Variants in ESF1 observed in about 807,000 individuals in gnomAD.
ESF1 encodes ESF1 homolog.
ESF1 carries 58 observed loss-of-function variants against 92.0 expected under a neutral mutation model. The observed-to-expected ratio is 0.63, with a 90% confidence interval of 0.51 to 0.78. ESF1 has a LOEUF of 0.78. Ranked by LOEUF, ESF1 falls within the 30% of genes least tolerant of loss-of-function variation. ESF1 has a pLI of 0.00. For synonymous variants in ESF1, 321 were observed against 313.7 expected (o/e 1.02, Z -0.24); for missense variants, 922 against 989.1 (o/e 0.93, Z 0.91).
chr20:13,749,232 ATTTTTTTTTTTTTT>A (rs71188184), intron 9 of ESF1, among the ~76,000 whole-genome samples: 3 of 89,664 alleles, frequency 3.3e-5, no homozygotes, highest in Admixed American at 3.1e-4. Context: ...TGCCCGGCTA[ATTTTTTTTTTTTTT>A]TTTTTTTTTT....
At chr20:13,742,136 A>C (rs2050017128) in intron 9 of ESF1, among the ~76,000 whole-genome samples, 1 of 152,098 alleles carries the variant, frequency 6.6e-6, no homozygotes, top group African/African-American at 2.4e-5. Flanking sequence ...GGAGGCCAAT[A>C]CGGGTGGATT....
intron 9 of ESF1, among the ~76,000 whole-genome samples, chr20:13,735,023 C>T (rs980034233): frequency 3.3e-5 from 5 of 151,918 alleles, no homozygotes; most frequent in Admixed American, 3.3e-4. Context: ...AATATATGGC[C>T]CAAGAATAAA....
chr20:13,765,197 T>C (rs971382007), intron 8 of ESF1, among the ~76,000 whole-genome samples: 6 of 152,182 alleles, frequency 3.9e-5, no homozygotes, highest in African/African-American at 1.4e-4. Context: ...CACTCCAGCC[T>C]GGGTGACAGA....
At chr20:13,717,217 A>G (rs1275511296) in intron 13 of ESF1, 151 bp downstream of exon 13, 1 of 929,974 alleles carries the variant, frequency 1.1e-6, no homozygotes, top group East Asian at 2.5e-5. Context: ...CTCGGCCTCC[A>G]AAAAAGTGTT....
rs182272738 is a variant in ESF1 at position 13,754,321 on chromosome 20, C to G, written c.1828+5371G>C. Among the ~76,000 whole-genome samples, 233 of 152,296 alleles carry G rather than the reference C, an allele frequency of 1.5e-3. 4 individuals carry two copies. The highest frequency in any genetic ancestry group is 5.3e-3 in the African/African-American group (219 of 41,566). On this transcript the variant is annotated intron_variant, in intron 9 of 13. Coordinates refer to ENST00000617257, the MANE Select transcript of ESF1 (RefSeq NM_001276380.2). ...GAATTTCCTCCTGCTTCTCTGATAG[C>G]CTCTCCAGCTGCTCGGAATGGTCCA...
intron 9 of ESF1, among the ~76,000 whole-genome samples, chr20:13,748,548 GTA>G (rs1232051296): frequency 2.6e-4 from 13 of 49,536 alleles, no homozygotes; most frequent in African/African-American, 1.0e-3. Context: ...ATATGTGTGT[GTA>G]TATATATATA....
chr20:13,778,718 C>T (rs2147449523), intron 2 of ESF1, among the ~76,000 whole-genome samples: 2 of 152,162 alleles, frequency 1.3e-5, no homozygotes, highest in Middle Eastern at 6.8e-3. Context: ...ATGTTTTTAA[C>T]AATATCAACT....
intron 13 of ESF1, 58 bp from the exon 14 acceptor site, chr20:13,715,225 A>G: frequency 7.1e-7 from 1 of 1,409,960 alleles, no homozygotes; most frequent in South Asian, 1.7e-5. Context: ...TACTAAAGCA[A>G]AAGGCCAGAA....
chr20:13,762,202 A>G (rs983737623), intron 8 of ESF1, among the ~76,000 whole-genome samples: 2 of 152,158 alleles, frequency 1.3e-5, no homozygotes, highest in African/African-American at 2.4e-5. Flanking sequence ...ATATTTCTAT[A>G]TGTATATATT....
chr20:13,755,411 T>C (rs1486193297), intron 9 of ESF1, among the ~76,000 whole-genome samples: 2 of 152,224 alleles, frequency 1.3e-5, no homozygotes, highest in African/African-American at 2.4e-5. Context: ...TTAACTGGAC[T>C]ATTAATACAG....
At chr20:13,767,426 C>T (rs1046971865) in intron 7 of ESF1, among the ~76,000 whole-genome samples, 9 of 151,370 alleles carry the variant, frequency 5.9e-5, no homozygotes, top group African/African-American at 2.2e-4. Flanking sequence ...GAGGCTGAGG[C>T]AGCAGAATCA....
intron 8 of ESF1, among the ~76,000 whole-genome samples, chr20:13,763,618 C>T (rs763095676): frequency 5.3e-5 from 8 of 152,170 alleles, no homozygotes; most frequent in South Asian, 4.1e-4. Context: ...TAAATCATTA[C>T]GTCTTTCTCC....
intron 2 of ESF1, among the ~76,000 whole-genome samples, chr20:13,778,575 A>G (rs1358169286): frequency 6.6e-6 from 1 of 152,192 alleles, no homozygotes; most frequent in East Asian, 1.9e-4. Flanking sequence ...GACACAGTAC[A>G]TAACTATTAA....
intron 10 of ESF1, among the ~76,000 whole-genome samples, chr20:13,730,131 G>A (rs1000841627): frequency 4.6e-5 from 7 of 151,834 alleles, no homozygotes; most frequent in Non-Finnish European, 1.0e-4. Context: ...GGCTTGCAGT[G>A]GCGTGACCTC....
At chr20:13,757,458 C>CA (rs1778418939) in intron 9 of ESF1, among the ~76,000 whole-genome samples, 1 of 152,114 alleles carries the variant, frequency 6.6e-6, no homozygotes, top group Non-Finnish European at 1.5e-5. Flanking sequence ...AGTGCAGTGG[C>CA]ATGATCACAG....
chr20:13,721,933 T>C (rs2049870670), intron 11 of ESF1, among the ~76,000 whole-genome samples: 1 of 152,192 alleles, frequency 6.6e-6, no homozygotes, highest in African/African-American at 2.4e-5. Flanking sequence ...TCCTTACACA[T>C]ATAAATATCA....
intron 8 of ESF1, among the ~76,000 whole-genome samples, chr20:13,764,274 T>C (rs1979330375): frequency 6.6e-6 from 1 of 152,186 alleles, no homozygotes; most frequent in African/African-American, 2.4e-5. Flanking sequence ...TTCTATTAGA[T>C]AAGAAGAATG....
At chr20:13,725,143 G>A (rs1044019838) in intron 11 of ESF1, among the ~76,000 whole-genome samples, 6 of 152,110 alleles carry the variant, frequency 3.9e-5, no homozygotes, top group African/African-American at 7.2e-5. Flanking sequence ...CTGTTTCTAC[G>A]TCCCTACCCT....
chr20:13,771,281 T>C (rs1979668946), intron 6 of ESF1, 50 bp downstream of exon 6: 1 of 1,511,782 alleles, frequency 6.6e-7, no homozygotes, highest in Non-Finnish European at 9.1e-7. Context: ...TTACTTCTTA[T>C]AATCATGTTG....
Sources: allele counts gnomAD v4.1 joint callset (sites outside exome capture counted in the v4.1 genomes callset), GRCh38; gene constraint gnomAD v4.1.1; transcripts MANE v1.5; gene names NCBI Gene and HGNC (gene_info 2026-07-23, HGNC 2026-07-21).